Variants in ROBO2 observed in about 807,000 individuals in gnomAD.
The protein encoded by ROBO2 is roundabout homolog 2.
A neutral mutation model predicts 160.8 loss-of-function variants in ROBO2; 53 were observed. That is an observed-to-expected ratio of 0.33 (90% CI 0.26 to 0.41). ROBO2 has a LOEUF of 0.41. Ranked by LOEUF, ROBO2 falls within the 10% of genes least tolerant of loss-of-function variation. The pLI, the probability that ROBO2 is intolerant of heterozygous loss-of-function variation, is 1.00. For synonymous variants in ROBO2, 664 were observed against 611.7 expected (o/e 1.09, Z -1.26); for missense variants, 1,577 against 1,722.4 (o/e 0.92, Z 1.49).
At chr3:75,993,493 T>A (rs2065630352) in intron 2 of ROBO2, among the ~76,000 whole-genome samples, 1 of 152,190 alleles carries the variant, frequency 6.6e-6, no homozygotes, top group Non-Finnish European at 1.5e-5. Flanking sequence ...AAACCTCTTT[T>A]TCTTCCCAGT....
At chr3:76,626,080 T>A (rs2089621540) in intron 2 of ROBO2, among the ~76,000 whole-genome samples, 1 of 152,154 alleles carries the variant, frequency 6.6e-6, no homozygotes, top group Non-Finnish European at 1.5e-5. Flanking sequence ...GGATGATAGA[T>A]CTAATAGATC....
exon 22 of ROBO2, chr3:77,617,693 G>A (rs1351435173): frequency 6.2e-7 from 1 of 1,613,906 alleles, no homozygotes; most frequent in African/African-American, 1.3e-5. Context: ...CATCCCCACG[G>A]GAAGAGATGC....
At chr3:76,209,686 G>A (rs147725641) in intron 2 of ROBO2, among the ~76,000 whole-genome samples, 15 of 152,044 alleles carry the variant, frequency 9.9e-5, no homozygotes, top group Non-Finnish European at 1.5e-5. Flanking sequence ...TGTAATTCTT[G>A]TACAAAGATG....
At chr3:76,488,138 G>T (rs889448201) in intron 2 of ROBO2, among the ~76,000 whole-genome samples, 1 of 152,126 alleles carries the variant, frequency 6.6e-6, no homozygotes, top group African/African-American at 2.4e-5. Flanking sequence ...GTTTTCTATT[G>T]CTGCGTAACA....
At chr3:75,936,401 G>A (rs1311028682) in intron 1 of ROBO2, among the ~76,000 whole-genome samples, 18 of 152,070 alleles carry the variant, frequency 1.2e-4, no homozygotes, top group Non-Finnish European at 2.4e-4. Flanking sequence ...TCTTAACTCC[G>A]TATTTTGTCA....
chr3:76,798,430 C>A (rs137865525), intron 2 of ROBO2, among the ~76,000 whole-genome samples: 3 of 152,060 alleles, frequency 2.0e-5, no homozygotes. Context: ...TCAGCATGAC[C>A]AATAGGGATT....
At position 76,928,452 on chromosome 3, in the gene ROBO2, A is replaced by ATT. The variant is rs35736164; in HGVS notation, c.110-169546_110-169545dup. Among the ~76,000 whole-genome samples, 38 of 142,748 alleles carry ATT rather than the reference A, an allele frequency of 2.7e-4. 1 individual carries two copies. The highest frequency in any genetic ancestry group is 5.0e-4 in the Admixed American group (7 of 14,138). The allele number at this position is 142,748 out of a possible 152,430, so 93.6% of individuals were successfully genotyped here. A position where few individuals can be genotyped will look rare whatever the true frequency, so the allele number is the denominator to read the frequency against. ...TTTGTGTGCTACTAAGTTTATGATAATTTTTTTTTTTTTTTTTGCAGAAGT... is the reference window on the plus strand; with the variant it reads ...TTTGTGTGCTACTAAGTTTATGATAATTTTTTTTTTTTTTTTTTTGCAGAAGT... On this transcript the variant is annotated intron_variant, in intron 2 of 26. Coordinates refer to the ROBO2 transcript ENST00000487694.
chr3:76,784,246 G>A (rs2062834400), intron 2 of ROBO2, among the ~76,000 whole-genome samples: 1 of 151,072 alleles, frequency 6.6e-6, no homozygotes, highest in Non-Finnish European at 1.5e-5. Context: ...AGTTGTTACT[G>A]ACTGGCTAGA....
chr3:77,027,848 T>G (rs1009953780), intron 2 of ROBO2, among the ~76,000 whole-genome samples: 1 of 152,132 alleles, frequency 6.6e-6, no homozygotes, highest in Non-Finnish European at 1.5e-5. Flanking sequence ...TGTGAACTAA[T>G]GAGGCCAGAT....
intron 1 of ROBO2, among the ~76,000 whole-genome samples, chr3:75,919,432 G>T (rs142949715): frequency 6.6e-6 from 1 of 152,044 alleles, no homozygotes; most frequent in South Asian, 2.1e-4. Flanking sequence ...TGCTGGATTC[G>T]CTTGCCAGTA....
intron 2 of ROBO2, among the ~76,000 whole-genome samples, chr3:77,447,975 A>C (rs557315229): frequency 6.6e-6 from 1 of 152,216 alleles, no homozygotes; most frequent in South Asian, 2.1e-4. Context: ...GTCGCAGTAA[A>C]TTTTTCAAGC....
intron 17 of ROBO2, among the ~76,000 whole-genome samples, chr3:77,594,445 T>C (rs2094252469): frequency 6.6e-6 from 1 of 152,162 alleles, no homozygotes; most frequent in South Asian, 2.1e-4. Context: ...TCACTGGCTG[T>C]GGCTCTGGTG....
chr3:77,189,124 T>C (rs1236257695), intron 2 of ROBO2, among the ~76,000 whole-genome samples: 1 of 151,860 alleles, frequency 6.6e-6, no homozygotes, highest in Non-Finnish European at 1.5e-5. Flanking sequence ...ATTAGAACCC[T>C]TCTCACAGAT....
At chr3:76,750,772 A>G (rs966540670) in intron 2 of ROBO2, among the ~76,000 whole-genome samples, 1 of 152,150 alleles carries the variant, frequency 6.6e-6, no homozygotes, top group African/African-American at 2.4e-5. Flanking sequence ...AGAATTAGAA[A>G]CTACTGCTCA....
At chr3:76,773,148 T>A (rs2062019472) in intron 2 of ROBO2, among the ~76,000 whole-genome samples, 1 of 151,238 alleles carries the variant, frequency 6.6e-6, no homozygotes, top group East Asian at 2.0e-4. Flanking sequence ...GGTCAAAACC[T>A]CTTAATCAAT....
chr3:76,446,502 G>A (rs1258689041), intron 2 of ROBO2, among the ~76,000 whole-genome samples: 2 of 152,056 alleles, frequency 1.3e-5, no homozygotes, highest in African/African-American at 4.8e-5. Context: ...TCCCCATCAA[G>A]CTACCAATGA....
chr3:77,447,895 T>G (rs2080720577), intron 2 of ROBO2, among the ~76,000 whole-genome samples: 1 of 152,126 alleles, frequency 6.6e-6, no homozygotes, highest in East Asian at 1.9e-4. Flanking sequence ...ATTGAGCTAC[T>G]CAAGGTCATA....
At chr3:76,234,986 G>T (rs933262993) in intron 2 of ROBO2, among the ~76,000 whole-genome samples, 7 of 152,140 alleles carry the variant, frequency 4.6e-5, no homozygotes, top group Non-Finnish European at 1.0e-4. Context: ...TTGAGCTGTT[G>T]CTGGAGTGGT....
At chr3:76,492,554 G>T (rs2079891593) in intron 2 of ROBO2, among the ~76,000 whole-genome samples, 1 of 111,600 alleles carries the variant, frequency 9.0e-6, no homozygotes, top group Non-Finnish European at 1.8e-5. Flanking sequence ...TTTCAAAAGT[G>T]CATAAAGAAA....
Sources: gnomAD v4.1 joint callset for allele counts (sites outside exome capture counted in the v4.1 genomes callset) on GRCh38, gnomAD v4.1.1 for gene constraint, MANE v1.5 for transcripts, NCBI Gene and HGNC (gene_info 2026-07-23, HGNC 2026-07-21) for gene names.